The following ENOX1 variants were observed in gnomAD, a reference collection of about 807,000 sequenced individuals.
ENOX1 encodes the protein candidate growth-related and time keeping constitutive hydroquinone (NADH) oxidase.
A neutral mutation model predicts 82.5 loss-of-function variants in ENOX1; 42 were observed. The observed-to-expected ratio is 0.51, with a 90% CI of 0.40 to 0.66. ENOX1 has a LOEUF of 0.66. ENOX1 is among the 30% of genes least tolerant of loss of function. The pLI, the probability that ENOX1 is intolerant of heterozygous loss-of-function variation, is 0.00. For synonymous variants in ENOX1, 271 were observed against 282.2 expected, an observed-to-expected ratio of 0.96 and a Z score of 0.40; for missense variants, 608 against 811.6, an observed-to-expected ratio of 0.75 and a Z score of 3.05.
chr13:43,272,102 A>AT (rs2044720030), intron 12 of ENOX1, among the ~76,000 whole-genome samples: 2 of 152,076 alleles, frequency 1.3e-5, no homozygotes, highest in South Asian at 4.2e-4. Context: ...ATTTATTATT[A>AT]TTTTTTATTA....
chr13:43,226,303 T>A (rs2042020480), intron 15 of ENOX1, among the ~76,000 whole-genome samples: 1 of 152,246 alleles, frequency 6.6e-6, no homozygotes, highest in African/African-American at 2.4e-5. Flanking sequence ...AATTGATATA[T>A]AATATTTGTA....
At chr13:43,566,872 G>T (rs1210851044) in intron 2 of ENOX1, among the ~76,000 whole-genome samples, 1 of 152,052 alleles carries the variant, frequency 6.6e-6, no homozygotes, top group Non-Finnish European at 1.5e-5. Context: ...TTAAGGGCAT[G>T]CCATTATTAT....
intron 2 of ENOX1, among the ~76,000 whole-genome samples, chr13:43,515,039 T>C (rs2077507180): frequency 1.3e-5 from 2 of 152,174 alleles, no homozygotes; most frequent in Admixed American, 1.3e-4. Flanking sequence ...TTGTTTCATT[T>C]TCATGGGAAT....
At chr13:43,645,305 G>A (rs2083842862) in intron 2 of ENOX1, among the ~76,000 whole-genome samples, 1 of 152,038 alleles carries the variant, frequency 6.6e-6, no homozygotes, top group South Asian at 2.1e-4. Context: ...AGAACTACAG[G>A]TGCATGCCAC....
chr13:43,627,018 A>G (rs78623812), intron 2 of ENOX1, among the ~76,000 whole-genome samples: 2 of 151,982 alleles, frequency 1.3e-5, no homozygotes, highest in East Asian at 1.9e-4. Context: ...TAGTAGATTG[A>G]CCTTTGCATC....
chr13:43,540,657 C>T (rs1339893939), intron 2 of ENOX1, among the ~76,000 whole-genome samples: 2 of 152,116 alleles, frequency 1.3e-5, no homozygotes, highest in Admixed American at 1.3e-4. Flanking sequence ...TCCTGCAGAG[C>T]TTTGTGGGGT....
At position 43,213,144 on chromosome 13, in the gene ENOX1, T is replaced by C. The variant is rs1168755391; in HGVS notation, c.*846A>G. ...TGTAAAACCAATATGGTAGAAGTCA[T>C]ATTTATTGAAAAAAATTAATATCTT... On this transcript the variant is annotated 3_prime_UTR_variant, in exon 17 of 17. Transcript: ENST00000690772. 6.6e-6 allele frequency among the ~76,000 whole-genome samples: 1 copy of C among 152,190 alleles called. No homozygotes were observed. Among genetic ancestry groups the C allele is most frequent in the Non-Finnish European group, 1.5e-5 (1 of 68,002 alleles).
At chr13:43,633,680 A>ATGTGTGTGTG (rs1337849766) in intron 2 of ENOX1, among the ~76,000 whole-genome samples, 2 of 41,036 alleles carry the variant, frequency 4.9e-5, no homozygotes, top group Non-Finnish European at 1.3e-4. Flanking sequence ...ACATTTTAAA[A>ATGTGTGTGTG]TGTGTGTATG....
chr13:43,463,517 T>C (rs2057581355), intron 3 of ENOX1, among the ~76,000 whole-genome samples: 2 of 152,174 alleles, frequency 1.3e-5, no homozygotes, highest in Non-Finnish European at 2.9e-5. Context: ...AAGCATCACC[T>C]TGGAATGGCT....
intron 2 of ENOX1, among the ~76,000 whole-genome samples, chr13:43,632,725 G>A (rs191998926): frequency 1.5e-3 from 226 of 152,212 alleles, no homozygotes; most frequent in African/African-American, 5.2e-3. Context: ...GGGATTACAG[G>A]CGTGAACCAC....
At chr13:43,593,950 G>T (rs995395765) in intron 2 of ENOX1, among the ~76,000 whole-genome samples, 2 of 152,064 alleles carry the variant, frequency 1.3e-5, no homozygotes, top group African/African-American at 4.8e-5. Flanking sequence ...AGGTCTGGAG[G>T]TATCTCTACA....
chr13:43,485,084 G>A (rs2076367105), intron 2 of ENOX1, among the ~76,000 whole-genome samples: 1 of 152,152 alleles, frequency 6.6e-6, no homozygotes, highest in African/African-American at 2.4e-5. Context: ...CATCCTCTAT[G>A]GCTATTACTG....
At chr13:43,711,016 C>A (rs182430770) in intron 1 of ENOX1, among the ~76,000 whole-genome samples, 2,092 of 151,340 alleles carry the variant, frequency 0.014, 51 homozygotes, top group African/African-American at 0.047. Context: ...GCTGCTGCAC[C>A]CACTAACTCA....
chr13:43,773,405 G>GCA (rs1342289672), intron 1 of ENOX1, among the ~76,000 whole-genome samples: 2 of 152,128 alleles, frequency 1.3e-5, no homozygotes, highest in African/African-American at 4.8e-5. Context: ...GCTCTCCACT[G>GCA]CACATAGGAG....
chr13:43,616,202 ATATTTTTTT>A (rs2082464316), intron 2 of ENOX1, among the ~76,000 whole-genome samples: 1 of 41,236 alleles, frequency 2.4e-5, no homozygotes, highest in Non-Finnish European at 4.6e-5. Context: ...ATATATATAT[ATATTTTTTT>A]TTTTTTTTTA....
At chr13:43,265,556 T>C in intron 13 of ENOX1, 102 bp from the exon 14 acceptor site, 1 of 979,770 alleles carries the variant, frequency 1.0e-6, no homozygotes, top group Non-Finnish European at 1.6e-6. Flanking sequence ...AGGTTGCATT[T>C]TATAAAACTT....
At chr13:43,222,811 CCTT>C (rs1364151098) in intron 16 of ENOX1, among the ~76,000 whole-genome samples, 1 of 152,154 alleles carries the variant, frequency 6.6e-6, no homozygotes. Context: ...TGCAGCAAGT[CCTT>C]CTTATTTCAT....
At chr13:43,346,775 T>TC (rs1181541940) in intron 8 of ENOX1, among the ~76,000 whole-genome samples, 1 of 152,218 alleles carries the variant, frequency 6.6e-6, no homozygotes, top group African/African-American at 2.4e-5. Context: ...AAATTGTGCC[T>TC]CCCTCCACAC....
intron 9 of ENOX1, among the ~76,000 whole-genome samples, chr13:43,332,945 A>G (rs2048491290): frequency 6.6e-6 from 1 of 152,212 alleles, no homozygotes; most frequent in South Asian, 2.1e-4. Flanking sequence ...ACCACTATTA[A>G]CAGATCCTAG....
Sources: gnomAD v4.1 joint callset for allele counts (sites outside exome capture counted in the v4.1 genomes callset) on GRCh38, gnomAD v4.1.1 for gene constraint, MANE v1.5 for transcripts, NCBI Gene and HGNC (gene_info 2026-07-23, HGNC 2026-07-21) for gene names.